Variants in BCKDHB observed in about 807,000 individuals in gnomAD.
The protein encoded by BCKDHB is branched chain keto acid dehydrogenase E1 subunit beta.
A neutral mutation model predicts 48.5 loss-of-function variants in BCKDHB; 41 were observed. The observed-to-expected ratio is 0.85, with a 90% CI of 0.66 to 1.10. The LOEUF (loss-of-function observed/expected upper bound fraction) is 1.10, where lower values mean the gene tolerates loss of function less well. BCKDHB is among the 50% of genes least tolerant of loss of function. The pLI, the probability that BCKDHB is intolerant of heterozygous loss-of-function variation, is 0.00. For missense variants in BCKDHB, 496 were observed against 494.2 expected (o/e 1.00, Z -0.03); for synonymous variants, 201 against 174.8 (o/e 1.15, Z -1.18).
At chr6:80,396,773 G>T in the BCKDHB span, among the ~76,000 whole-genome samples, 1 of 152,202 alleles carries the variant, frequency 6.6e-6, no homozygotes, top group Non-Finnish European at 1.5e-5. Flanking sequence ...TTGTGAAGAA[G>T]GATGTGTTTA....
At chr6:80,112,948 C>G (rs1019093572) in intron 1 of BCKDHB, among the ~76,000 whole-genome samples, 1 of 152,186 alleles carries the variant, frequency 6.6e-6, no homozygotes, top group Non-Finnish European at 1.5e-5. Flanking sequence ...CCTTGCTTCC[C>G]GTTCCACTAG....
chr6:80,384,348 CTTT>C, the BCKDHB span, among the ~76,000 whole-genome samples: 8 of 147,548 alleles, frequency 5.4e-5, no homozygotes, highest in Admixed American at 6.7e-5. Context: ...TCTTCTTCTT[CTTT>C]TTTTTTTTTT....
At chr6:80,457,818 C>T in the BCKDHB span, among the ~76,000 whole-genome samples, 1 of 152,120 alleles carries the variant, frequency 6.6e-6, no homozygotes, top group Non-Finnish European at 1.5e-5. Flanking sequence ...CTCAAAAGTG[C>T]CAGTGGCCAG....
intron 3 of BCKDHB, among the ~76,000 whole-genome samples, chr6:80,159,464 G>GT (rs1185677496): frequency 6.6e-6 from 1 of 152,054 alleles, no homozygotes; most frequent in Non-Finnish European, 1.5e-5. Flanking sequence ...ATTCTACTTA[G>GT]TAATTTTTTA....
chr6:80,218,338 A>T (rs1312258979), intron 8 of BCKDHB, among the ~76,000 whole-genome samples: 1 of 151,966 alleles, frequency 6.6e-6, no homozygotes, highest in Admixed American at 6.6e-5. Context: ...TAATTAGGAG[A>T]ACTATCAAAA....
intron 9 of BCKDHB, among the ~76,000 whole-genome samples, chr6:80,327,951 A>G (rs1304826889): frequency 1.1e-5 from 1 of 92,796 alleles, no homozygotes; most frequent in African/African-American, 4.4e-5. Context: ...CCTTCCTTTC[A>G]TTTTTTCTCT....
intron 9 of BCKDHB, among the ~76,000 whole-genome samples, chr6:80,328,308 C>T (rs977985269): frequency 1.3e-5 from 2 of 152,122 alleles, no homozygotes; most frequent in African/African-American, 4.8e-5. Flanking sequence ...TATTATCATG[C>T]TGATCAGTGT....
At chr6:80,143,266 G>C (rs1771313362) in intron 3 of BCKDHB, among the ~76,000 whole-genome samples, 1 of 152,112 alleles carries the variant, frequency 6.6e-6, no homozygotes, top group Non-Finnish European at 1.5e-5. Context: ...TCACTTACCT[G>C]AAGTCACTTA....
chr6:80,212,997 G>C (rs187349599), intron 8 of BCKDHB, among the ~76,000 whole-genome samples: 174 of 152,068 alleles, frequency 1.1e-3, no homozygotes, highest in African/African-American at 3.9e-3. Context: ...TTGTCTTTTG[G>C]TTCAAAAATT....
At chr6:80,374,678 T>C in the BCKDHB span, 1 of 403,130 alleles carries the variant, frequency 2.5e-6, no homozygotes, top group East Asian at 4.8e-5. Context: ...GAGGTACTAT[T>C]CTATTCACCA....
intron 8 of BCKDHB, among the ~76,000 whole-genome samples, chr6:80,230,500 AG>A (rs1240316970): frequency 2.6e-5 from 4 of 152,184 alleles, no homozygotes; most frequent in Admixed American, 2.6e-4. Flanking sequence ...CATATGGAAC[AG>A]GGGGTTAGCA....
chr6:80,127,490 T>G (rs1364913608), intron 1 of BCKDHB, 57 bp from the exon 2 acceptor site: 2 of 1,367,476 alleles, frequency 1.5e-6, no homozygotes, highest in Non-Finnish European at 1.0e-6. Context: ...GTTAAGAAAC[T>G]GGTTGTTTTT....
At chr6:80,434,033 G>A in the BCKDHB span, among the ~76,000 whole-genome samples, 1 of 152,014 alleles carries the variant, frequency 6.6e-6, no homozygotes, top group South Asian at 2.1e-4. Context: ...TCTTTATTTG[G>A]GAGGCATCTT....
the BCKDHB span, among the ~76,000 whole-genome samples, chr6:80,360,180 C>G: frequency 8.5e-5 from 13 of 152,182 alleles, no homozygotes; most frequent in Non-Finnish European, 1.8e-4. Context: ...GTACAAATTA[C>G]TGAAACTAAA....
chr6:80,205,791 GGTGTGTGTGTGTGTGTGTGT>G (rs3840387), intron 8 of BCKDHB, among the ~76,000 whole-genome samples: 3 of 135,106 alleles, frequency 2.2e-5, no homozygotes, highest in South Asian at 2.5e-4. Context: ...CTGTGCCATG[GGTGTGTGTGTGTGTGTGTGT>G]GTGTGTGTGT....
At chr6:80,459,730 T>C in the BCKDHB span, among the ~76,000 whole-genome samples, 5 of 152,184 alleles carry the variant, frequency 3.3e-5, no homozygotes, top group Non-Finnish European at 7.4e-5. Context: ...TTGTGGAAAG[T>C]TGGCAACCTG....
chr6:80,242,269 C>A (rs1490505130), intron 8 of BCKDHB, among the ~76,000 whole-genome samples: 1 of 152,060 alleles, frequency 6.6e-6, no homozygotes, highest in East Asian at 1.9e-4. Context: ...ATTTTTGACC[C>A]TACACTCTGC....
chr6:80,207,039 A>G (rs566230069), intron 8 of BCKDHB, among the ~76,000 whole-genome samples: 1 of 152,172 alleles, frequency 6.6e-6, no homozygotes, highest in African/African-American at 2.4e-5. Context: ...GCAAACAGAT[A>G]TTGAGAGAAT....
chr6:80,307,645 A>G, intron 9 of BCKDHB: 1 of 974,820 alleles, frequency 1.0e-6, no homozygotes, highest in Non-Finnish European at 1.2e-6. Context: ...GCCATTATAG[A>G]AAATGTAAAA....
Sources: allele counts gnomAD v4.1 joint callset (sites outside exome capture counted in the v4.1 genomes callset), GRCh38; gene constraint gnomAD v4.1.1; transcripts MANE v1.5; gene names NCBI Gene and HGNC (gene_info 2026-07-23, HGNC 2026-07-21).